Variants in FAM53A observed in about 807,000 individuals in gnomAD.
FAM53A encodes protein FAM53A.
In FAM53A, 28 loss-of-function variants were observed where a neutral mutation model predicts 26.6. That is an observed-to-expected ratio of 1.05 (90% confidence interval 0.78 to 1.45). The LOEUF (loss-of-function observed/expected upper bound fraction) is 1.45, where lower values mean the gene tolerates loss of function less well. Among genes scored for constraint, FAM53A ranks in the 40% most tolerant of loss-of-function variants. The probability of loss-of-function intolerance (pLI) is 0.00; values close to 1 mark genes in which losing one functional copy is unlikely to be tolerated. For missense variants in FAM53A, 650 were observed against 575.8 expected (o/e 1.13, Z -1.32); for synonymous variants, 290 against 253.1 (o/e 1.15, Z -1.38).
At chr4:1,684,130 C>A (rs1019513643) in intron 1 of FAM53A, 103 bp downstream of exon 1, 2 of 151,710 alleles carry the variant, frequency 1.3e-5, no homozygotes, top group African/African-American at 4.8e-5. Context: ...ACCGCCCGCG[C>A]CCTCCACGTG....
intron 4 of FAM53A, among the ~76,000 whole-genome samples, chr4:1,647,820 G>A (rs1447854185): frequency 6.6e-6 from 1 of 152,216 alleles, no homozygotes; most frequent in African/African-American, 2.4e-5. Context: ...CCAGAGTCAG[G>A]ACTAATTGTC....
chr4:1,684,671 G>A (rs1407515830), upstream of FAM53A, among the ~76,000 whole-genome samples: 1 of 151,912 alleles, frequency 6.6e-6, no homozygotes, highest in African/African-American at 2.4e-5. Context: ...GTCGGCACTA[G>A]CCGTGGCTCA....
At chr4:1,584,015 T>G in the FAM53A span, among the ~76,000 whole-genome samples, 1 of 152,238 alleles carries the variant, frequency 6.6e-6, no homozygotes, top group South Asian at 2.1e-4. Flanking sequence ...TCTCTGCCCC[T>G]TTTTCTTTTG....
chr4:1,623,545 C>A lies in FAM53A; in HGVS notation c.432-5434G>T, dbSNP rs998712194. 2.0e-5 allele frequency among the ~76,000 whole-genome samples: 3 copies of A among 152,346 alleles called. No individual in the cohort carries two copies. In the East Asian group the frequency reaches 5.8e-4, roughly 29 times the overall value. ...CCGCTGCAGGGCTGCCCGCCTTCCC[C>A]GGCGGCCTGGCCGGCCCCTCCTGCG... On this transcript the variant is annotated intron_variant, in intron 1 of 1. Coordinates refer to the FAM53A transcript ENST00000489029.
At chr4:1,668,933 T>C (rs1013389181) in intron 1 of FAM53A, 28 bp from the exon 2 acceptor site, 20 of 553,802 alleles carry the variant, frequency 3.6e-5, no homozygotes, top group African/African-American at 3.5e-4. Context: ...GAAATCATCA[T>C]GTGATTATAC....
chr4:1,672,454 G>A (rs957014160), intron 1 of FAM53A, among the ~76,000 whole-genome samples: 2 of 152,216 alleles, frequency 1.3e-5, no homozygotes, highest in African/African-American at 4.8e-5. Flanking sequence ...CTCCTCACGG[G>A]GTGGTGGGGA....
At chr4:1,634,761 A>G (rs7673974) in intron 1 of FAM53A, among the ~76,000 whole-genome samples, 60,011 of 151,804 alleles carry the variant, frequency 0.4, 12,964 homozygotes, top group African/African-American at 0.56. Context: ...TTAGCCAGGC[A>G]TGGTGGTGCG....
At chr4:1,662,850 T>C (rs532222906) in intron 2 of FAM53A, among the ~76,000 whole-genome samples, 36 of 152,218 alleles carry the variant, frequency 2.4e-4, no homozygotes, top group African/African-American at 8.7e-4. Flanking sequence ...TCCACACCCA[T>C]GCAGGTGGCT....
At chr4:1,584,601 G>C in the FAM53A span, among the ~76,000 whole-genome samples, 1 of 152,250 alleles carries the variant, frequency 6.6e-6, no homozygotes, top group African/African-American at 2.4e-5. Context: ...GCTGGGGCTA[G>C]AGCCACCTGG....
At chr4:1,670,462 C>G (rs1162982805) in intron 1 of FAM53A, among the ~76,000 whole-genome samples, 1 of 152,230 alleles carries the variant, frequency 6.6e-6, no homozygotes, top group Non-Finnish European at 1.5e-5. Flanking sequence ...CTGGGCAGAC[C>G]AAACCCAGGC....
At chr4:1,659,000 C>T (rs1713627055) in intron 2 of FAM53A, among the ~76,000 whole-genome samples, 1 of 152,260 alleles carries the variant, frequency 6.6e-6, no homozygotes, top group South Asian at 2.1e-4. Context: ...GCATCACGTC[C>T]TATGATAACA....
At chr4:1,651,497 A>G (rs1039952128) in intron 4 of FAM53A, among the ~76,000 whole-genome samples, 3 of 151,274 alleles carry the variant, frequency 2.0e-5, no homozygotes, top group African/African-American at 7.3e-5. Context: ...GTGCCACTGC[A>G]TTCCAGCCTG....
At chr4:1,637,750 C>A (rs964954160), downstream of FAM53A, among the ~76,000 whole-genome samples, 4 of 152,110 alleles carry the variant, frequency 2.6e-5, no homozygotes, top group Non-Finnish European at 5.9e-5. Context: ...CCTCACAGGC[C>A]CCCAGCGCAG....
chr4:1,608,828 T>G, the FAM53A span, among the ~76,000 whole-genome samples: 1 of 152,126 alleles, frequency 6.6e-6, no homozygotes, highest in Non-Finnish European at 1.5e-5. Flanking sequence ...TGATTAATAA[T>G]TTGGAAATGA....
intron 1 of FAM53A, among the ~76,000 whole-genome samples, chr4:1,676,613 G>A (rs965370003): frequency 3.9e-5 from 6 of 152,098 alleles, no homozygotes; most frequent in Admixed American, 6.5e-5. Flanking sequence ...ACTCCACAGT[G>A]GCCACTTCCA....
chr4:1,659,092 C>T lies in FAM53A; in HGVS notation c.76-1624G>A, dbSNP rs1331071741. Among the ~76,000 whole-genome samples, 10 of 152,346 alleles carry T rather than the reference C, an allele frequency of 6.6e-5. No individual in the cohort carries two copies. In the East Asian group the frequency reaches 1.5e-3, roughly 24 times the overall value. The stretch of plus-strand genomic sequence containing the variant: ...AAGTTAAAAGTTGGGTTTGTGACCC[C>T]GAAAAAAGACAGGCCGCCTACACAC... On this transcript the variant is annotated intron_variant, in intron 2 of 4. Coordinates refer to ENST00000308132, the MANE Select transcript of FAM53A (RefSeq NM_001174070.3). The surrounding 1 kb of genome is among the most constrained non-coding windows in gnomAD (Gnocchi z 5.2).
the FAM53A span, among the ~76,000 whole-genome samples, chr4:1,579,072 T>C: frequency 1.4e-5 from 2 of 141,336 alleles, no homozygotes; most frequent in Non-Finnish European, 3.1e-5. Flanking sequence ...CAGGCCGGAA[T>C]CGAGGTCCCC....
the FAM53A span, among the ~76,000 whole-genome samples, chr4:1,604,672 G>A: frequency 0.24 from 35,807 of 151,932 alleles, 4,582 homozygotes; most frequent in African/African-American, 0.32. Flanking sequence ...CACTTCCTCC[G>A]ACGGACACGG....
rs141309015 is a variant in FAM53A at position 1,652,888 on chromosome 4, CCA to C, written c.882+2088_882+2089del. ...CACCACACACCAAACACCACACATA[CCA>C]CAGACACCACACACTACACACCAGA... On this transcript the variant is annotated intron_variant, in intron 4 of 4. Coordinates refer to ENST00000308132, the MANE Select transcript of FAM53A (RefSeq NM_001174070.3). 3.3e-3 allele frequency among the ~76,000 whole-genome samples: 492 copies of C among 149,542 alleles called. 7 individuals are homozygous for C. Among genetic ancestry groups the C allele is most frequent in the South Asian group, 4.9e-3 (23 of 4,660 alleles).
Sources: allele counts gnomAD v4.1 joint callset (sites outside exome capture counted in the v4.1 genomes callset), GRCh38; gene constraint gnomAD v4.1.1; non-coding constraint Gnocchi (gnomAD v3.1); transcripts MANE v1.5; gene names NCBI Gene and HGNC (gene_info 2026-07-23, HGNC 2026-07-21).